LIMD1: variants seen among roughly 807,000 people sequenced by gnomAD.
The protein encoded by LIMD1 is LIM domain-containing protein 1.
Under a neutral mutation model 58.4 loss-of-function variants are expected in LIMD1, and 23 were observed. The observed-to-expected ratio is 0.39, with a 90% CI of 0.28 to 0.56. LIMD1 has a LOEUF of 0.56. LIMD1 is among the 20% of genes least tolerant of loss of function. LIMD1 has a pLI of 0.57. For synonymous variants in LIMD1, 334 were observed against 345.5 expected (o/e 0.97, Z 0.37); for missense variants, 838 against 855.5 (o/e 0.98, Z 0.25).
At chr3:45,608,733 G>A (rs1701492169) in intron 1 of LIMD1, among the ~76,000 whole-genome samples, 1 of 151,538 alleles carries the variant, frequency 6.6e-6, no homozygotes, top group South Asian at 2.1e-4. Flanking sequence ...CCAGCTACTC[G>A]GGAGGCTGAG....
chr3:45,617,022 C>G (rs572380847), intron 1 of LIMD1, among the ~76,000 whole-genome samples: 159 of 133,566 alleles, frequency 1.2e-3, no homozygotes, highest in Non-Finnish European at 2.2e-3. Flanking sequence ...TGTGAGCCAC[C>G]GTGCCTGGCC....
intron 2 of LIMD1, among the ~76,000 whole-genome samples, chr3:45,662,276 AGTGT>A (rs139596165): frequency 1.0e-3 from 116 of 111,584 alleles, no homozygotes; most frequent in Middle Eastern, 4.9e-3. Flanking sequence ...GTTTCACCTA[AGTGT>A]GTGTGTGTGT....
intron 3 of LIMD1, 23 bp from the exon 4 acceptor site, chr3:45,668,271 T>G: frequency 6.2e-7 from 1 of 1,604,674 alleles, no homozygotes; most frequent in Non-Finnish European, 8.5e-7. Context: ...TGGGTTTAAC[T>G]TTCTTTTCTT....
chr3:45,644,502 C>T (rs1019565352), intron 2 of LIMD1, among the ~76,000 whole-genome samples: 7 of 152,070 alleles, frequency 4.6e-5, no homozygotes, highest in East Asian at 1.9e-4. Context: ...GGCCTGACAC[C>T]GCATAACCCT....
At chr3:45,614,593 C>T (rs958751801) in intron 1 of LIMD1, among the ~76,000 whole-genome samples, 12 of 151,360 alleles carry the variant, frequency 7.9e-5, no homozygotes, top group African/African-American at 4.9e-5. Flanking sequence ...CGTGGTGGTG[C>T]GTGCCTATAG....
intron 1 of LIMD1, among the ~76,000 whole-genome samples, chr3:45,601,579 G>A (rs999996233): frequency 3.3e-5 from 5 of 152,214 alleles, no homozygotes; most frequent in Admixed American, 1.3e-4. Context: ...AGTAGCTACC[G>A]TGTGTCAAGT....
At chr3:45,623,451 C>T (rs1230924654) in intron 1 of LIMD1, among the ~76,000 whole-genome samples, 1 of 152,082 alleles carries the variant, frequency 6.6e-6, no homozygotes, top group Admixed American at 6.5e-5. Flanking sequence ...TAGTAGTGTC[C>T]TTGGGCAAAA....
rs57750084 is a variant in LIMD1, at chr3:45,602,835, C to CT, written c.1408+6565dup. Among the ~76,000 whole-genome samples the CT allele has an allele frequency of 9.1e-3, 1,284 of 141,586 alleles. 9 individuals are homozygous for CT. The highest frequency in any genetic ancestry group is 0.024 in the African/African-American group (951 of 38,834). 92.9% of individuals were successfully genotyped at this position (141,586 alleles called of 152,430 possible). On this transcript the variant is annotated intron_variant, in intron 1 of 7. Coordinates refer to ENST00000273317, the MANE Select transcript of LIMD1 (RefSeq NM_014240.3). ...ACTGAGCTGCTCCTCGTTTTCATGA[C>CT]TTTTTTTTTTTTTTTTTAAATTGAG... is the stretch of plus-strand genomic sequence containing the variant.
intron 1 of LIMD1, among the ~76,000 whole-genome samples, chr3:45,603,088 G>T (rs267231): frequency 0.028 from 4,319 of 152,140 alleles, 210 homozygotes; most frequent in African/African-American, 0.098. Flanking sequence ...TGATCTGCCC[G>T]CCTTGGCCTC....
chr3:45,612,351 T>C (rs1156808531), intron 1 of LIMD1, among the ~76,000 whole-genome samples: 2 of 152,160 alleles, frequency 1.3e-5, no homozygotes, highest in East Asian at 1.9e-4. Context: ...CCCAAAGTGC[T>C]AGGATAACAG....
intron 1 of LIMD1, among the ~76,000 whole-genome samples, chr3:45,619,510 G>A (rs376987837): frequency 7.2e-5 from 11 of 152,232 alleles, no homozygotes; most frequent in Admixed American, 3.3e-4. Context: ...TTAAATTCAC[G>A]TTTTAAGGCT....
intron 1 of LIMD1, among the ~76,000 whole-genome samples, chr3:45,596,856 A>C (rs1284617241): frequency 7.0e-6 from 1 of 142,550 alleles, no homozygotes; most frequent in Non-Finnish European, 1.5e-5. Context: ...CTTGTAGAGC[A>C]GTGGATCTTT....
At chr3:45,665,629 T>C (rs756631899) in intron 2 of LIMD1, 21 bp from the exon 3 acceptor site, 1 of 1,607,938 alleles carries the variant, frequency 6.2e-7, no homozygotes, top group South Asian at 1.1e-5. Flanking sequence ...TTTTACCCTG[T>C]GTTTGTGATT....
intron 2 of LIMD1, among the ~76,000 whole-genome samples, chr3:45,649,768 T>A (rs1254739799): frequency 1.4e-5 from 2 of 145,616 alleles, no homozygotes; most frequent in East Asian, 3.9e-4. Context: ...TTTATATATA[T>A]AATTATATAT....
intron 4 of LIMD1, among the ~76,000 whole-genome samples, chr3:45,670,389 TATC>T (rs1277968575): frequency 2.0e-5 from 3 of 150,662 alleles, no homozygotes; most frequent in Admixed American, 2.0e-4. Flanking sequence ...ATTTCTTATT[TATC>T]ATCATGCTTC....
intron 6 of LIMD1, 155 bp downstream of exon 6, chr3:45,673,660 C>A: frequency 1.6e-6 from 1 of 622,948 alleles, no homozygotes; most frequent in South Asian, 1.6e-5. Flanking sequence ...CGCCTGTAAT[C>A]CCACCCCTTT....
intron 2 of LIMD1, among the ~76,000 whole-genome samples, chr3:45,661,648 A>G (rs1446282407): frequency 1.3e-5 from 2 of 152,254 alleles, no homozygotes; most frequent in South Asian, 2.1e-4. Context: ...AGCTTCTGCT[A>G]TCCCTTGCAG....
intron 2 of LIMD1, among the ~76,000 whole-genome samples, chr3:45,662,526 C>T (rs987525722): frequency 4.6e-5 from 7 of 152,052 alleles, no homozygotes; most frequent in Non-Finnish European, 2.9e-5. Context: ...TACATTGTAG[C>T]TTTGATTCTG....
intron 1 of LIMD1, among the ~76,000 whole-genome samples, chr3:45,619,851 A>G (rs1217669461): frequency 8.4e-6 from 1 of 119,540 alleles, no homozygotes; most frequent in Non-Finnish European, 1.6e-5. Context: ...AAAAAAGCAC[A>G]TTTTACTGGG....
Sources: allele counts gnomAD v4.1 joint callset (sites outside exome capture counted in the v4.1 genomes callset), GRCh38; gene constraint gnomAD v4.1.1; transcripts MANE v1.5; gene names NCBI Gene and HGNC (gene_info 2026-07-23, HGNC 2026-07-21).